The following DYDC2 variants were observed in gnomAD, a reference collection of about 807,000 sequenced individuals.
DYDC2 encodes DPY30 domain-containing protein 2.
Under a neutral mutation model 18.7 loss-of-function variants are expected in DYDC2, and 19 were observed. That is an observed-to-expected ratio of 1.02 (90% CI 0.71 to 1.49). The LOEUF (loss-of-function observed/expected upper bound fraction) is 1.49, where lower values mean the gene tolerates loss of function less well. Ranked by LOEUF, DYDC2 falls within the 40% of genes most tolerant of loss-of-function variation. The pLI is 0.00. For missense variants in DYDC2, 179 were observed against 205.1 expected (o/e 0.87, Z 0.78); for synonymous variants, 63 against 67.6 (o/e 0.93, Z 0.34).
intron 2 of DYDC2, among the ~76,000 whole-genome samples, chr10:80,359,616 G>A (rs1388162159): frequency 2.6e-5 from 4 of 152,162 alleles, no homozygotes; most frequent in African/African-American, 9.7e-5. Context: ...GGGCATGGCG[G>A]GCTGCATGTC....
chr10:80,356,603 C>T (rs944860876), upstream of DYDC2: 7 of 985,514 alleles, frequency 7.1e-6, no homozygotes, highest in Admixed American at 1.8e-4. Flanking sequence ...TCAGGTGAGT[C>T]CTGCTCGACG....
intron 1 of DYDC2, among the ~76,000 whole-genome samples, chr10:80,345,403 C>A (rs1842551802): frequency 6.6e-6 from 1 of 152,164 alleles, no homozygotes; most frequent in African/African-American, 2.4e-5. Flanking sequence ...TATCCATCAT[C>A]TTAGACAGTT....
chr10:80,354,259 G>A (rs928398788), upstream of DYDC2: 3 of 151,616 alleles, frequency 2.0e-5, no homozygotes, highest in African/African-American at 7.3e-5. Flanking sequence ...GGCTGAGGTG[G>A]GTGGATCACC....
In DYDC2 at chr10:80,362,585, G is replaced by A. The variant is rs1309898713; in HGVS notation, c.142G>A (p.Glu48Lys). 1.2e-6 allele frequency: 2 copies of A among 1,610,244 alleles called. No individual in the cohort carries two copies. Among genetic ancestry groups the A allele is most frequent in the Non-Finnish European group, 8.5e-7 (1 of 1,177,058 alleles). Residue 48 changes from glutamate to lysine, a missense_variant, in exon 3 of 5, where the codon GAA becomes AAA. Physicochemically the swap from Glu to Lys is moderately conservative, Grantham distance 56 (BLOSUM62 1). Coordinates refer to ENST00000256039, the MANE Select transcript of DYDC2 (RefSeq NM_032372.6). ...TTACAGGAAAACAGCAAAAGCAAAA[G>A]AAGAGGTGTGTATGTGCACTGGGAC... ...YHYRKTAKAK[E>K]ENREKKIHLQ...
At chr10:80,364,025 G>A (rs946285171) in intron 4 of DYDC2, among the ~76,000 whole-genome samples, 1 of 152,152 alleles carries the variant, frequency 6.6e-6, no homozygotes, top group African/African-American at 2.4e-5. Flanking sequence ...TACCTGGATA[G>A]AGAGTCGTCT....
upstream of DYDC2, among the ~76,000 whole-genome samples, chr10:80,355,096 GA>G (rs79869965): frequency 0.018 from 2,600 of 142,496 alleles, 72 homozygotes; most frequent in African/African-American, 0.061. Flanking sequence ...TACATTTACT[GA>G]AAAAAAAAAA....
upstream of DYDC2, chr10:80,352,364 C>T: frequency 1.8e-5 from 24 of 1,360,070 alleles, no homozygotes; most frequent in Non-Finnish European, 2.3e-5. Context: ...ATTTTTATAA[C>T]AGAAAAATAA....
intron 1 of DYDC2, among the ~76,000 whole-genome samples, chr10:80,345,444 A>G (rs1210627794): frequency 6.6e-6 from 1 of 151,936 alleles, no homozygotes. Context: ...CCTAAAATCT[A>G]CTCTCTTAAA....
At chr10:80,348,914 C>T (rs1356069334) in intron 1 of DYDC2, among the ~76,000 whole-genome samples, 1 of 151,450 alleles carries the variant, frequency 6.6e-6, no homozygotes, top group Admixed American at 6.6e-5. Flanking sequence ...TTTTTTGAGG[C>T]GGAGTCTCGC....
chr10:80,363,932 CCTAT>C (rs1427749755), intron 4 of DYDC2, among the ~76,000 whole-genome samples: 3 of 152,164 alleles, frequency 2.0e-5, no homozygotes, highest in Non-Finnish European at 2.9e-5. Flanking sequence ...GTCTGACAAG[CCTAT>C]CTTTTACCTC....
intron 4 of DYDC2, among the ~76,000 whole-genome samples, 165 bp downstream of exon 4, chr10:80,363,238 A>T (rs769114755): frequency 2.0e-5 from 3 of 151,530 alleles, no homozygotes; most frequent in Non-Finnish European, 4.4e-5. Context: ...AACCAATGTT[A>T]TTGACAATCT....
upstream of DYDC2, chr10:80,352,719 A>G (rs930640066): frequency 7.6e-7 from 1 of 1,308,238 alleles, no homozygotes; most frequent in Admixed American, 3.6e-5. Context: ...GCCCTCAGTC[A>G]TGGACACCTC....
At chr10:80,359,114 A>T (rs7909792) in intron 2 of DYDC2, among the ~76,000 whole-genome samples, 74,292 of 152,006 alleles carry the variant, frequency 0.49, 18,683 homozygotes, top group East Asian at 0.82. Flanking sequence ...CCCTACCCAC[A>T]TCCTGCTGAT....
chr10:80,358,813 C>T (rs1843560005), intron 2 of DYDC2, among the ~76,000 whole-genome samples: 1 of 150,730 alleles, frequency 6.6e-6, no homozygotes. Context: ...CGTGGACCCT[C>T]ACAGTGAGTA....
At chr10:80,357,834 G>C in intron 1 of DYDC2, 59 bp from the exon 2 acceptor site, 1 of 985,496 alleles carries the variant, frequency 1.0e-6, no homozygotes, top group Non-Finnish European at 1.2e-6. Flanking sequence ...AAAATCAAAG[G>C]GAAGCATGAG....
At chr10:80,366,666 G>A (rs902638756) in intron 4 of DYDC2, 22 bp from the exon 5 acceptor site, 19 of 1,575,378 alleles carry the variant, frequency 1.2e-5, no homozygotes, top group Admixed American at 5.8e-5. Flanking sequence ...ATAAGTTTTC[G>A]GCTTTTTTGT....
At chr10:80,352,658 T>C (rs1019632142), upstream of DYDC2, 8 of 1,558,862 alleles carry the variant, frequency 5.1e-6, no homozygotes, top group East Asian at 1.4e-4. Context: ...TTCAATAAAG[T>C]CACTATAAAA....
chr10:80,356,391 T>C, upstream of DYDC2: 2 of 985,636 alleles, frequency 2.0e-6, no homozygotes, highest in Non-Finnish European at 2.4e-6. Flanking sequence ...GCCAGCCAAC[T>C]GGGCGGGGGC....
At chr10:80,357,204 T>C (rs4934084) in intron 1 of DYDC2, among the ~76,000 whole-genome samples, 114,561 of 141,608 alleles carry the variant, frequency 0.81, 46,139 homozygotes, top group East Asian at 0.97. Context: ...AAGGGGAGCG[T>C]GGCAGAGAGA....
Sources: allele counts gnomAD v4.1 joint callset (sites outside exome capture counted in the v4.1 genomes callset), GRCh38; gene constraint gnomAD v4.1.1; transcripts MANE v1.5; gene names NCBI Gene and HGNC (gene_info 2026-07-23, HGNC 2026-07-21).